The following ASTN2 variants were observed in gnomAD, a reference collection of about 807,000 sequenced individuals.
The protein encoded by ASTN2 is astrotactin-2.
A neutral mutation model predicts 139.8 loss-of-function variants in ASTN2; 54 were observed. That is an observed-to-expected ratio of 0.39 (90% CI 0.31 to 0.48). The LOEUF is 0.48. Ranked by LOEUF, ASTN2 falls within the 20% of genes least tolerant of loss-of-function variation. The probability of loss-of-function intolerance (pLI) is 0.95; values close to 1 mark genes in which losing one functional copy is unlikely to be tolerated. For synonymous variants in ASTN2, 756 were observed against 719.5 expected, an observed-to-expected ratio of 1.05 and a Z score of -0.81; for missense variants, 1,565 against 1,725.1, an observed-to-expected ratio of 0.91 and a Z score of 1.64.
At chr9:116,779,084 T>A (rs1223604418) in intron 13 of ASTN2, among the ~76,000 whole-genome samples, 1 of 144,916 alleles carries the variant, frequency 6.9e-6, no homozygotes, top group Non-Finnish European at 1.5e-5. Context: ...CATGTAATTT[T>A]CCAAACTCAA....
At position 117,271,761 on chromosome 9, in the gene ASTN2, T is replaced by C. The variant is rs371043674; in HGVS notation, c.630+19565A>G. Among the ~76,000 whole-genome samples the C allele has an allele frequency of 1.1e-4, 16 of 152,270 alleles. No homozygotes were observed. The East Asian group carries it at 2.3e-3, about 22-fold the overall frequency. ...GTCAAATTTTAAAGCTCCAAAATGA[T>C]CTCTTTTGACTCCAGATCTCAAATC... On this transcript the variant is annotated intron_variant, in intron 2 of 22. Coordinates refer to ENST00000313400, the MANE Select transcript of ASTN2 (RefSeq NM_001365068.1).
At chr9:117,071,857 C>T (rs1017454084) in intron 5 of ASTN2, among the ~76,000 whole-genome samples, 5 of 152,154 alleles carry the variant, frequency 3.3e-5, no homozygotes, top group African/African-American at 7.2e-5. Flanking sequence ...CAATGCCTAG[C>T]CCTGCTTCGG....
intron 10 of ASTN2, among the ~76,000 whole-genome samples, chr9:116,903,721 G>A (rs1329658422): frequency 2.6e-5 from 4 of 152,142 alleles, no homozygotes; most frequent in African/African-American, 4.8e-5. Flanking sequence ...TCAGCCCAGG[G>A]TGTGGCATGT....
At chr9:117,350,688 T>C (rs1829361207) in intron 1 of ASTN2, among the ~76,000 whole-genome samples, 2 of 152,092 alleles carry the variant, frequency 1.3e-5, no homozygotes, top group African/African-American at 4.8e-5. Context: ...TTTGATATGA[T>C]GGCAGAGCAC....
At chr9:116,942,177 C>T (rs988246385) in intron 10 of ASTN2, among the ~76,000 whole-genome samples, 5 of 152,096 alleles carry the variant, frequency 3.3e-5, no homozygotes, top group Admixed American at 6.6e-5. Context: ...CAGTGCAGTG[C>T]GGCAACGTGG....
In ASTN2 at chr9:116,618,580, T is replaced by A; in HGVS notation, c.3207-108A>T. On this transcript the variant is annotated intron_variant, in intron 18 of 22. Coordinates refer to ENST00000313400, the MANE Select transcript of ASTN2 (RefSeq NM_001365068.1). ...GCATAGGTTTCAGTCTGAATTTAAA[T>A]CTTGATTCCACCCATGATCGCCAAC... The A allele has an allele frequency of 3.8e-6, 5 of 1,324,596 alleles. No individual in the cohort carries two copies. In the South Asian group the frequency reaches 8.2e-5, roughly 22 times the overall value. The allele number at this position is 1,324,596 out of a possible 1,614,324, so 82.1% of individuals were successfully genotyped here. A position where few individuals can be genotyped will look rare whatever the true frequency, so the allele number is the denominator to read the frequency against.
chr9:117,126,316 G>A (rs1255336683), intron 4 of ASTN2, among the ~76,000 whole-genome samples: 1 of 152,192 alleles, frequency 6.6e-6, no homozygotes, highest in Non-Finnish European at 1.5e-5. Flanking sequence ...CAATGTAGCA[G>A]AAGGTACAGG....
chr9:117,295,464 C>T (rs749173269), intron 1 of ASTN2, among the ~76,000 whole-genome samples: 23 of 152,242 alleles, frequency 1.5e-4, no homozygotes, highest in South Asian at 4.1e-4. Context: ...CCATCTCTCA[C>T]GCACTTTGGA....
At chr9:117,170,854 T>G (rs1028200535) in intron 3 of ASTN2, among the ~76,000 whole-genome samples, 3 of 152,144 alleles carry the variant, frequency 2.0e-5, no homozygotes, top group Non-Finnish European at 4.4e-5. Context: ...CATACTAATA[T>G]AAGCAAGCCA....
Position 117,414,893 on chromosome 9 carries a change from G to C in ASTN2, c.46C>G (p.Leu16Val). The change falls in exon 1 of 23, where the codon CTC becomes GTC. Residue 16 changes from leucine to valine, a missense_variant. By Grantham distance (32) the Leu-to-Val change is conservative. Coordinates refer to ENST00000313400, the MANE Select transcript of ASTN2 (RefSeq NM_001365068.1). This position sits in a 1 kb window ranked among gnomAD's most constrained non-coding sequence, Gnocchi z 4.2. The part of the protein sequence containing the change: ...ARLSPGPGSG[L>V]RGRPRLCFHP... Reference sequence around the variant, plus strand: ...AAGCAGAGCCTCGGCCGCCCCCGGAGCCCCGAGCCGGGGCCGGGGCTGAGC... The same window carrying C: ...AAGCAGAGCCTCGGCCGCCCCCGGACCCCCGAGCCGGGGCCGGGGCTGAGC... The C allele has an allele frequency of 1.3e-6, 1 of 786,866 alleles. No homozygotes were observed. The highest frequency in any genetic ancestry group is 1.6e-6 in the Non-Finnish European group (1 of 615,814). The allele number at this position is 786,866 out of a possible 1,614,324, so 48.7% of individuals were successfully genotyped here.
At chr9:116,551,262 C>T (rs373829449) in intron 19 of ASTN2, among the ~76,000 whole-genome samples, 5 of 152,210 alleles carry the variant, frequency 3.3e-5, no homozygotes, top group East Asian at 1.9e-4. Flanking sequence ...TTGCAAAATG[C>T]TTTAGCCTGT....
At chr9:117,214,005 A>G (rs1832226540) in intron 3 of ASTN2, among the ~76,000 whole-genome samples, 1 of 152,194 alleles carries the variant, frequency 6.6e-6, no homozygotes. Context: ...TGGTATAAGA[A>G]GAAACCCTCT....
chr9:116,469,986 C>G (rs1342350703), intron 20 of ASTN2, among the ~76,000 whole-genome samples: 1 of 152,006 alleles, frequency 6.6e-6, no homozygotes, highest in African/African-American at 2.4e-5. Context: ...GGCAGGATCA[C>G]CTGAGGTCAG....
intron 11 of ASTN2, among the ~76,000 whole-genome samples, chr9:116,860,049 A>C (rs1157849500): frequency 1.3e-5 from 2 of 152,206 alleles, no homozygotes; most frequent in South Asian, 2.1e-4. Flanking sequence ...TCAGGTGGGA[A>C]TGGAGAGGAA....
intron 4 of ASTN2, among the ~76,000 whole-genome samples, chr9:117,127,351 G>A (rs1047361357): frequency 6.6e-6 from 1 of 152,212 alleles, no homozygotes; most frequent in Non-Finnish European, 1.5e-5. Flanking sequence ...AGGTAGCAAG[G>A]CTGATACAGA....
In ASTN2 at chr9:117,414,504, G is replaced by A. The variant is rs149140892; in HGVS notation, c.435C>T (p.Phe145=). Residue 145 remains phenylalanine, a synonymous_variant, in exon 1 of 23, where the codon TTC becomes TTT. Transcript: ENST00000313400. The surrounding 1 kb of genome is among the most constrained non-coding windows in gnomAD (Gnocchi z 4.2). ...GCCGGCGCCCAGCCTTACCCAGGGT[G>A]AAGAAGGGCAGCTCGGTGTTGTCCA... ...DDLDNTELPF[F]TLEMSGTAAD... 2.4e-4 allele frequency: 384 copies of A among 1,608,856 alleles called. 1 individual carries two copies. Among genetic ancestry groups the A allele is most frequent in the Middle Eastern group, 9.0e-4 (4 of 4,440 alleles).
intron 13 of ASTN2, among the ~76,000 whole-genome samples, chr9:116,743,445 G>GGAGGCT: frequency 6.6e-6 from 1 of 152,226 alleles, no homozygotes; most frequent in East Asian, 2.0e-4. Context: ...ACGCTACTCA[G>GGAGGCT]GAGGCTGAGG....
intron 5 of ASTN2, among the ~76,000 whole-genome samples, chr9:117,072,816 T>G (rs1263037546): frequency 6.6e-6 from 1 of 152,180 alleles, no homozygotes; most frequent in Admixed American, 6.5e-5. Flanking sequence ...ATGGCAGAAC[T>G]AAAACCTTTG....
intron 5 of ASTN2, among the ~76,000 whole-genome samples, chr9:117,075,871 C>G (rs1828268091): frequency 6.6e-6 from 1 of 152,144 alleles, no homozygotes; most frequent in South Asian, 2.1e-4. Context: ...GACAAGATCT[C>G]ATATTGTAAG....
Sources: gnomAD v4.1 joint callset for allele counts (sites outside exome capture counted in the v4.1 genomes callset) on GRCh38, gnomAD v4.1.1 for gene constraint, Gnocchi (gnomAD v3.1) non-coding constraint, MANE v1.5 for transcripts, NCBI Gene and HGNC (gene_info 2026-07-23, HGNC 2026-07-21) for gene names.